Variants in SEC23IP observed in about 807,000 individuals in gnomAD.
SEC23IP encodes SEC23-interacting protein.
In SEC23IP, 70 loss-of-function variants were observed where a neutral mutation model predicts 113.4. That is an observed-to-expected ratio of 0.62 (90% CI 0.51 to 0.75). SEC23IP has a LOEUF of 0.75. Ranked by LOEUF, SEC23IP falls within the 30% of genes least tolerant of loss-of-function variation. The probability of loss-of-function intolerance (pLI) is 0.00; values close to 1 mark genes in which losing one functional copy is unlikely to be tolerated. For synonymous variants in SEC23IP, 398 were observed against 421.0 expected, an observed-to-expected ratio of 0.95 and a Z score of 0.67; for missense variants, 1,160 against 1,204.9, an observed-to-expected ratio of 0.96 and a Z score of 0.55.
Position 119,943,580 on chromosome 10 carries a change from ACT to A in SEC23IP, c.*3018_*3019del, listed in dbSNP as rs2134554172. On this transcript the variant is annotated 3_prime_UTR_variant, in exon 19 of 19. Coordinates refer to ENST00000369075, the MANE Select transcript of SEC23IP (RefSeq NM_007190.4). ...ACTCTAGCCTGAGTGACAGAGCGAG[ACT>A]CTGTCTCAAAAAAAAATAAATGAAT... The A allele has an allele frequency of 6.6e-6, 1 of 151,806 alleles. No individual in the cohort carries two copies. The highest frequency in any genetic ancestry group is 2.1e-4 in the South Asian group (1 of 4,802). The allele number at this position is 151,806 out of a possible 1,614,324, so 9.4% of individuals were successfully genotyped here.
At chr10:119,933,463 G>A (rs1279462872) in intron 17 of SEC23IP, among the ~76,000 whole-genome samples, 1 of 152,128 alleles carries the variant, frequency 6.6e-6, no homozygotes, top group Admixed American at 6.6e-5. Flanking sequence ...TGTCACCAAG[G>A]AGAATTGCAA....
At chr10:119,925,979 T>A in intron 12 of SEC23IP, 57 bp from the exon 13 acceptor site, 1 of 1,408,860 alleles carries the variant, frequency 7.1e-7, no homozygotes, top group Non-Finnish European at 9.7e-7. Flanking sequence ...TTTGTAATGA[T>A]AGCTGAGAGC....
Position 119,933,699 on chromosome 10 carries a change from A to G in SEC23IP, c.2935A>G (p.Thr979Ala), listed in dbSNP as rs931057080. 6.4e-7 allele frequency: 1 copy of G among 1,563,610 alleles called. No homozygotes were observed. The highest frequency in any genetic ancestry group is 1.7e-5 in the Admixed American group (1 of 59,946). The change falls in exon 18 of 19, where the codon ACT (threonine) becomes GCT (alanine). Residue 979 changes from threonine to alanine, a missense_variant. Coordinates refer to ENST00000369075, the MANE Select transcript of SEC23IP (RefSeq NM_007190.4). ...SHLCYWESED[T>A]ALLLLKEIYR... ...TCCTTTTCATAGGGAATCTGAAGAT[A>G]CTGCTCTGTTACTACTTAAAGAAAT...
intron 10 of SEC23IP, among the ~76,000 whole-genome samples, chr10:119,918,837 A>G (rs1241867052): frequency 6.6e-6 from 1 of 152,166 alleles, no homozygotes; most frequent in Non-Finnish European, 1.5e-5. Context: ...AGGTTTAGAA[A>G]TGGAATGGAA....
At chr10:119,918,630 T>TTTG in intron 10 of SEC23IP, 119 bp downstream of exon 10, 1 of 564,858 alleles carries the variant, frequency 1.8e-6, no homozygotes, top group Non-Finnish European at 3.2e-6. Context: ...TTGTTTGTTT[T>TTTG]AACTGAGCCT....
At chr10:119,902,063 A>T (rs1854513222) in intron 2 of SEC23IP, among the ~76,000 whole-genome samples, 1 of 152,136 alleles carries the variant, frequency 6.6e-6, no homozygotes, top group African/African-American at 2.4e-5. Context: ...GGCACATTTT[A>T]AAGGTTAAAT....
intron 18 of SEC23IP, among the ~76,000 whole-genome samples, chr10:119,939,306 G>A (rs1855890433): frequency 1.3e-5 from 2 of 151,978 alleles, no homozygotes; most frequent in South Asian, 2.1e-4. Context: ...ATTATAGAGT[G>A]AGACCCTGTC....
At position 119,926,121 on chromosome 10, in the gene SEC23IP, C is replaced by T. The variant is rs1301694253; in HGVS notation, c.2207C>T (p.Ala736Val). ...AGTGCCCAGAAGACTAAAGACATGG[C>T]TTCCCTCCCCTCAGAATCCAATGAG... ...EQSAQKTKDM[A>V]SLPSESNEPK... Residue 736 changes from alanine (A) to valine (V), a missense_variant, in exon 13 of 19, where the codon GCT becomes GTT. Physicochemically the swap from Ala to Val is moderately conservative, Grantham distance 64. Transcript: ENST00000369075. 11 of 1,614,138 alleles carry T rather than the reference C, an allele frequency of 6.8e-6. No homozygotes were observed. The highest frequency in any genetic ancestry group is 9.3e-6 in the Non-Finnish European group (11 of 1,180,004).
chr10:119,943,409 G>T lies in SEC23IP; in HGVS notation c.*2844G>T, dbSNP rs986081493. ...TGACATTTCTATAATACTCCTCAGGGGGTTAACCCCATCTCTACTAAAAAT... is the reference window on the plus strand; with the variant it reads ...TGACATTTCTATAATACTCCTCAGGTGGTTAACCCCATCTCTACTAAAAAT... On this transcript the variant is annotated 3_prime_UTR_variant, in exon 19 of 19. Transcript: ENST00000369075. 2 of 152,088 alleles carry T rather than the reference G, an allele frequency of 1.3e-5. No homozygotes were observed. The highest frequency in any genetic ancestry group is 2.4e-5 in the African/African-American group (1 of 41,414). 9.4% of individuals were successfully genotyped at this position (152,088 alleles called of 1,614,324 possible). A position where few individuals can be genotyped will look rare whatever the true frequency, so the allele number is the denominator to read the frequency against.
chr10:119,920,398 T>G (rs1855212837), intron 11 of SEC23IP, among the ~76,000 whole-genome samples: 1 of 152,142 alleles, frequency 6.6e-6, no homozygotes, highest in Non-Finnish European at 1.5e-5. Flanking sequence ...CATAACGGAG[T>G]ACCCTACAGC....
chr10:119,937,612 C>T (rs1013118803), intron 18 of SEC23IP, among the ~76,000 whole-genome samples: 7 of 150,428 alleles, frequency 4.7e-5, no homozygotes, highest in Non-Finnish European at 8.9e-5. Flanking sequence ...GATGACAGAG[C>T]GAGACTCCGT....
At chr10:119,935,210 C>T (rs1009036451) in intron 18 of SEC23IP, among the ~76,000 whole-genome samples, 1 of 152,156 alleles carries the variant, frequency 6.6e-6, no homozygotes, top group African/African-American at 2.4e-5. Context: ...CCTGTAATCC[C>T]AGCACTTTGG....
intron 4 of SEC23IP, among the ~76,000 whole-genome samples, chr10:119,907,155 G>T (rs1854700629): frequency 6.6e-6 from 1 of 151,912 alleles, no homozygotes; most frequent in South Asian, 2.1e-4. Flanking sequence ...AATTAGCCAG[G>T]TATGGTTATG....
intron 13 of SEC23IP, 69 bp downstream of exon 13, chr10:119,926,296 C>G: frequency 7.5e-7 from 1 of 1,324,734 alleles, no homozygotes; most frequent in Non-Finnish European, 1.0e-6. Context: ...TTTGGGTTGG[C>G]TTTAAGTTCT....
At chr10:119,921,384 C>G (rs1048738469) in intron 12 of SEC23IP, among the ~76,000 whole-genome samples, 1 of 152,204 alleles carries the variant, frequency 6.6e-6, no homozygotes, top group Admixed American at 6.5e-5. Context: ...GTGTTTCCCA[C>G]TGCTGGTCTC....
At chr10:119,931,347 G>A (rs184196401) in intron 15 of SEC23IP, among the ~76,000 whole-genome samples, 11 of 147,336 alleles carry the variant, frequency 7.5e-5, no homozygotes, top group African/African-American at 1.8e-4. Context: ...TTTAAATCTC[G>A]TAGGCCTCTT....
intron 11 of SEC23IP, among the ~76,000 whole-genome samples, 165 bp from the exon 12 acceptor site, chr10:119,920,724 T>C (rs1355697826): frequency 6.6e-6 from 1 of 152,250 alleles, no homozygotes; most frequent in Non-Finnish European, 1.5e-5. Flanking sequence ...TAAGATTTTA[T>C]AGCCTAAACT....
intron 13 of SEC23IP, among the ~76,000 whole-genome samples, chr10:119,927,965 T>G (rs1855475964): frequency 6.6e-6 from 1 of 152,246 alleles, no homozygotes; most frequent in African/African-American, 2.4e-5. Flanking sequence ...GCCTGTTTCC[T>G]CTGTCCATTG....
chr10:119,927,001 G>A (rs1418748720), intron 13 of SEC23IP, among the ~76,000 whole-genome samples: 1 of 152,072 alleles, frequency 6.6e-6, no homozygotes, highest in African/African-American at 2.4e-5. Flanking sequence ...TGGGTTTAAG[G>A]GATACCTCCT....
Sources: allele counts gnomAD v4.1 joint callset (sites outside exome capture counted in the v4.1 genomes callset), GRCh38; gene constraint gnomAD v4.1.1; transcripts MANE v1.5; gene names NCBI Gene and HGNC (gene_info 2026-07-23, HGNC 2026-07-21).